PHF21A: variants seen among roughly 807,000 people sequenced by gnomAD.
PHF21A encodes BHC80a.
Under a neutral mutation model 82.5 loss-of-function variants are expected in PHF21A, and 11 were observed. The ratio of observed to expected loss-of-function variants is 0.13; its 90% CI spans 0.08 to 0.22. PHF21A has a LOEUF of 0.22. PHF21A is among the 10% of genes least tolerant of loss of function. The probability of loss-of-function intolerance (pLI) is 1.00; values close to 1 mark genes in which losing one functional copy is unlikely to be tolerated. For missense variants in PHF21A, 579 were observed against 837.8 expected (o/e 0.69, Z 3.81); for synonymous variants, 297 against 302.8 (o/e 0.98, Z 0.20).
At chr11:46,026,335 G>T (rs2095745650) in intron 6 of PHF21A, among the ~76,000 whole-genome samples, 1 of 152,170 alleles carries the variant, frequency 6.6e-6, no homozygotes, top group South Asian at 2.1e-4. Context: ...TTGAGGTGCA[G>T]ACAATCCATG....
At position 46,121,015 on chromosome 11, in the gene PHF21A, G is replaced by A; in HGVS notation, c.-317C>T. 6.5e-6 allele frequency: 1 copy of A among 154,820 alleles called. No homozygotes were observed. The highest frequency in any genetic ancestry group is 1.4e-5 in the Non-Finnish European group (1 of 70,170). The allele number at this position is 154,820 out of a possible 1,614,324, so 9.6% of individuals were successfully genotyped here. ...AGGAGAAGCAGGAGGAGGAGGAGGA[G>A]GGAACTCTTCTTCATGGGGAGGGAG... On this transcript the variant is annotated 5_prime_UTR_variant, in exon 1 of 19. Transcript: ENST00000676320.
At chr11:46,088,171 T>A (rs2096878840) in intron 3 of PHF21A, among the ~76,000 whole-genome samples, 1 of 152,216 alleles carries the variant, frequency 6.6e-6, no homozygotes, top group African/African-American at 2.4e-5. Flanking sequence ...ATTTAACATA[T>A]TTTGACCAAT....
intron 6 of PHF21A, among the ~76,000 whole-genome samples, chr11:45,985,833 C>A (rs2094471795): frequency 2.0e-5 from 3 of 152,090 alleles, no homozygotes; most frequent in Non-Finnish European, 4.4e-5. Flanking sequence ...AAGAAGGTCT[C>A]TTTCCTGGTT....
intron 6 of PHF21A, among the ~76,000 whole-genome samples, chr11:45,982,030 C>T (rs1033142775): frequency 7.2e-6 from 1 of 139,286 alleles, no homozygotes; most frequent in African/African-American, 2.7e-5. Context: ...AATCTTGGCT[C>T]ATTGCCATTT....
chr11:46,022,318 GGT>G (rs926515558), intron 6 of PHF21A, among the ~76,000 whole-genome samples: 14 of 152,052 alleles, frequency 9.2e-5, no homozygotes, highest in African/African-American at 3.1e-4. Flanking sequence ...AGCCAGGTAT[GGT>G]GGCTCACACC....
chr11:46,028,221 A>C (rs1484341614), intron 6 of PHF21A, among the ~76,000 whole-genome samples: 2 of 152,222 alleles, frequency 1.3e-5, no homozygotes, highest in Non-Finnish European at 2.9e-5. Flanking sequence ...GTCAGGATGC[A>C]AAATTATTTC....
intron 6 of PHF21A, among the ~76,000 whole-genome samples, chr11:46,018,242 T>C: frequency 7.7e-6 from 1 of 130,126 alleles, no homozygotes. Context: ...AGAGCGAGAC[T>C]CCGTCTCAAA....
intron 6 of PHF21A, among the ~76,000 whole-genome samples, chr11:46,020,835 A>T (rs1269610263): frequency 6.6e-6 from 1 of 152,248 alleles, no homozygotes; most frequent in African/African-American, 2.4e-5. Flanking sequence ...TTTGATTTAC[A>T]GTGGTACCAA....
chr11:46,033,772 T>C (rs1304441036), intron 6 of PHF21A, among the ~76,000 whole-genome samples: 1 of 152,232 alleles, frequency 6.6e-6, no homozygotes, highest in Non-Finnish European at 1.5e-5. Context: ...AGACTTAAAA[T>C]TGATTTCAAC....
chr11:45,941,678 C>T (rs766199908), intron 15 of PHF21A, among the ~76,000 whole-genome samples: 3 of 152,164 alleles, frequency 2.0e-5, no homozygotes, highest in Non-Finnish European at 2.9e-5. Flanking sequence ...GGAAGTCCTA[C>T]GGAGGCACCA....
At chr11:46,034,439 C>A (rs914656260) in intron 6 of PHF21A, among the ~76,000 whole-genome samples, 2 of 152,096 alleles carry the variant, frequency 1.3e-5, no homozygotes, top group African/African-American at 4.8e-5. Context: ...TAGGTCCTTT[C>A]CTGTATGGTT....
intron 6 of PHF21A, among the ~76,000 whole-genome samples, chr11:46,047,886 T>C (rs1401301427): frequency 6.6e-6 from 1 of 152,206 alleles, no homozygotes; most frequent in Non-Finnish European, 1.5e-5. Flanking sequence ...GTATTCTTAT[T>C]GAAAATATGG....
intron 10 of PHF21A, among the ~76,000 whole-genome samples, chr11:45,954,813 G>C (rs1488846602): frequency 6.6e-6 from 1 of 152,106 alleles, no homozygotes; most frequent in Non-Finnish European, 1.5e-5. Flanking sequence ...AATTAAATAA[G>C]TGAGAATAAA....
chr11:46,033,684 T>C (rs1178515822), intron 6 of PHF21A, among the ~76,000 whole-genome samples: 2 of 152,232 alleles, frequency 1.3e-5, no homozygotes, highest in East Asian at 3.8e-4. Flanking sequence ...TAGCCATATA[T>C]GGCTATTGAG....
chr11:45,979,641 A>G, intron 7 of PHF21A, 119 bp downstream of exon 7: 2 of 1,405,004 alleles, frequency 1.4e-6, no homozygotes, highest in Non-Finnish European at 9.9e-7. Flanking sequence ...AGCAATCAAA[A>G]TAACTTTTGT....
At chr11:45,964,236 T>TAATAATAATAATAATAATAA (rs2093301828) in intron 10 of PHF21A, among the ~76,000 whole-genome samples, 1 of 148,556 alleles carries the variant, frequency 6.7e-6, no homozygotes. Context: ...ATAATAATAA[T>TAATAATAATAATAATAATAA]TTATTTCTGA....
chr11:45,988,875 A>C (rs2094582448), intron 6 of PHF21A, among the ~76,000 whole-genome samples: 1 of 152,164 alleles, frequency 6.6e-6, no homozygotes, highest in South Asian at 2.1e-4. Flanking sequence ...TGGGTGACAG[A>C]GCGAGACTGT....
At chr11:46,097,361 A>T (rs1482678560) in intron 1 of PHF21A, among the ~76,000 whole-genome samples, 1 of 151,966 alleles carries the variant, frequency 6.6e-6, no homozygotes, top group African/African-American at 2.4e-5. Context: ...CCATCTCCCT[A>T]TCGCTCAATC....
intron 3 of PHF21A, among the ~76,000 whole-genome samples, chr11:46,086,792 C>T (rs549702146): frequency 1.3e-4 from 20 of 152,272 alleles, no homozygotes; most frequent in African/African-American, 4.8e-4. Context: ...ATTCAATTCA[C>T]ATAAACTCTG....
Sources: gnomAD v4.1 joint callset for allele counts (sites outside exome capture counted in the v4.1 genomes callset) on GRCh38, gnomAD v4.1.1 for gene constraint, MANE v1.5 for transcripts, NCBI Gene and HGNC (gene_info 2026-07-23, HGNC 2026-07-21) for gene names.